The following MYO5A variants were observed in gnomAD, a reference collection of about 807,000 sequenced individuals.
MYO5A encodes myosin VA.
A neutral mutation model predicts 249.7 loss-of-function variants in MYO5A; 98 were observed. The ratio of observed to expected loss-of-function variants is 0.39; its 90% confidence interval spans 0.33 to 0.46. The LOEUF is 0.46. MYO5A is among the 20% of genes least tolerant of loss of function. The probability of loss-of-function intolerance (pLI) is 0.98; values close to 1 mark genes in which losing one functional copy is unlikely to be tolerated. For missense variants in MYO5A, 1,696 were observed against 2,308.8 expected (o/e 0.73, Z 5.44); for synonymous variants, 778 against 810.6 (o/e 0.96, Z 0.68).
intron 9 of MYO5A, 81 bp from the exon 10 acceptor site, chr15:52,397,547 C>G: frequency 6.6e-7 from 1 of 1,520,536 alleles, no homozygotes; most frequent in Admixed American, 1.7e-5. Context: ...AAAGAGTTAA[C>G]AAATAAAATT....
chr15:52,464,004 C>G (rs2076304899), intron 1 of MYO5A, among the ~76,000 whole-genome samples: 1 of 152,152 alleles, frequency 6.6e-6, no homozygotes, highest in Non-Finnish European at 1.5e-5. Flanking sequence ...TTAGACAGAT[C>G]CAGAAGCTCC....
intron 1 of MYO5A, among the ~76,000 whole-genome samples, chr15:52,504,305 C>G (rs2141594053): frequency 6.6e-6 from 1 of 152,106 alleles, no homozygotes; most frequent in Non-Finnish European, 1.5e-5. Context: ...GTTTCTAAGC[C>G]TGGGGAAGAT....
chr15:52,321,354 C>T lies in MYO5A; in HGVS notation c.4951+5G>A, dbSNP rs2140930027. ...CTGCAATGCCCAGTGGGGCCCTGGCCTTACCAATCATTGGCTGAAGGATGT... is the reference window on the plus strand; with the variant it reads ...CTGCAATGCCCAGTGGGGCCCTGGCTTTACCAATCATTGGCTGAAGGATGT... On this transcript the variant is annotated splice_donor_5th_base_variant and intron_variant, in intron 38 of 41. Transcript: ENST00000399233. 6.2e-7 allele frequency: 1 copy of T among 1,614,174 alleles called. No individual in the cohort carries two copies. The highest frequency in any genetic ancestry group is 1.3e-5 in the African/African-American group (1 of 75,056).
chr15:52,429,701 AAAAACAAAAC>A (rs1315013942), intron 2 of MYO5A, among the ~76,000 whole-genome samples: 1 of 19,556 alleles, frequency 5.1e-5, no homozygotes, highest in East Asian at 4.4e-4. Context: ...AAAAAAACAA[AAAAACAAAAC>A]AAAACAAAAC....
In MYO5A at chr15:52,375,381, A is replaced by G; in HGVS notation, c.2500T>C (p.Tyr834His). The G allele has an allele frequency of 6.2e-7, 1 of 1,614,120 alleles. No individual in the cohort carries two copies. The highest frequency in any genetic ancestry group is 8.5e-7 in the Non-Finnish European group (1 of 1,179,996). The change falls in exon 20 of 42, where the codon TAC becomes CAC. Residue 834 changes from tyrosine to histidine, a missense_variant. Around this residue, in one of 5 missense-constraint regions of MYO5A, gnomAD observed 412 missense variants for 453.3 expected, o/e 0.91. Transcript: ENST00000399233. ...ATAGTGGCAGCTCGTCTAATCTTGT[A>G]CCTCCTGCGGACCACATACATGCGC... ...YWRMYVVRRR[Y>H]KIRRAATIVL...
At chr15:52,496,546 G>T (rs145070184) in intron 1 of MYO5A, among the ~76,000 whole-genome samples, 1 of 152,154 alleles carries the variant, frequency 6.6e-6, no homozygotes, top group Non-Finnish European at 1.5e-5. Context: ...CCTCCGAAGA[G>T]TATTCATTAA....
chr15:52,434,338 C>T (rs1486817013), intron 1 of MYO5A, among the ~76,000 whole-genome samples: 1 of 152,078 alleles, frequency 6.6e-6, no homozygotes, highest in Non-Finnish European at 1.5e-5. Context: ...ATCCTGTGCT[C>T]TGCAAAGCCT....
chr15:52,516,631 T>C (rs1203646992), intron 1 of MYO5A, among the ~76,000 whole-genome samples: 2 of 152,252 alleles, frequency 1.3e-5, no homozygotes, highest in Non-Finnish European at 2.9e-5. Flanking sequence ...AAACACCTTC[T>C]GACTGCTATA....
chr15:52,422,878 G>A (rs1247500154), intron 4 of MYO5A, among the ~76,000 whole-genome samples: 2 of 151,988 alleles, frequency 1.3e-5, no homozygotes, highest in African/African-American at 4.8e-5. Flanking sequence ...CACCATGCCT[G>A]GCTAGTTTTT....
intron 18 of MYO5A, among the ~76,000 whole-genome samples, chr15:52,379,076 T>C (rs533736957): frequency 9.8e-5 from 15 of 152,348 alleles, no homozygotes; most frequent in African/African-American, 3.6e-4. Context: ...TCTTACTCCC[T>C]CTTATAATAG....
intron 1 of MYO5A, among the ~76,000 whole-genome samples, chr15:52,498,711 AT>A (rs946709885): frequency 1.3e-5 from 2 of 152,130 alleles, no homozygotes; most frequent in African/African-American, 4.8e-5. Flanking sequence ...AATTAAAAAT[AT>A]TTTCCTGTTC....
intron 1 of MYO5A, among the ~76,000 whole-genome samples, chr15:52,457,736 C>T (rs1231944519): frequency 6.6e-6 from 1 of 152,076 alleles, no homozygotes; most frequent in Admixed American, 6.5e-5. Context: ...AACTACCATA[C>T]AATCCAGTAA....
intron 15 of MYO5A, among the ~76,000 whole-genome samples, chr15:52,383,736 A>G (rs1193582067): frequency 6.6e-6 from 1 of 152,218 alleles, no homozygotes; most frequent in Non-Finnish European, 1.5e-5. Flanking sequence ...AGGAGCGCTC[A>G]GCCTCCATTC....
intron 1 of MYO5A, among the ~76,000 whole-genome samples, chr15:52,485,706 G>T (rs146477659): frequency 1.0e-3 from 153 of 152,114 alleles, no homozygotes; most frequent in African/African-American, 3.6e-3. Context: ...TGTTAAAAAA[G>T]ATAATAACAT....
chr15:52,313,932 A>T (rs957621214), intron 41 of MYO5A, 84 bp from the exon 42 acceptor site: 1 of 1,501,988 alleles, frequency 6.7e-7, no homozygotes, highest in Non-Finnish European at 9.2e-7. Context: ...TCTACCCTCA[A>T]ATTCTCAACT....
At chr15:52,327,639 C>T (rs781721155) in intron 36 of MYO5A, among the ~76,000 whole-genome samples, 2 of 152,194 alleles carry the variant, frequency 1.3e-5, no homozygotes, top group African/African-American at 4.8e-5. Flanking sequence ...CCTGGGATTG[C>T]ACTGGGGCTG....
intron 25 of MYO5A, 138 bp from the exon 26 acceptor site, chr15:52,354,152 A>T (rs1453547548): frequency 9.6e-7 from 1 of 1,036,618 alleles, no homozygotes; most frequent in South Asian, 1.6e-5. Context: ...ATATATTTTT[A>T]AAATGCTCAA....
In MYO5A at chr15:52,375,351, G is replaced by C. The variant is rs1337818670; in HGVS notation, c.2530C>G (p.Leu844Val). The stretch of plus-strand genomic sequence containing the variant: ...AAGAAGCCTCGCAAGTAAGACTGAA[G>C]AACGATAGTGGCAGCTCGTCTAATC... ...YKIRRAATIVLQSYLRGFLAR... is the reference protein window; with the variant it reads ...YKIRRAATIVVQSYLRGFLAR... The change falls in exon 20 of 42, where the codon CTT becomes GTT. Residue 844 changes from leucine to valine, a missense_variant. Leu to Val is a conservative substitution (Grantham distance 32, BLOSUM62 1). Transcript: ENST00000399233. The C allele has an allele frequency of 1.9e-6, 3 of 1,614,000 alleles. No homozygotes were observed. Among genetic ancestry groups the C allele is most frequent in the Admixed American group, 1.7e-5 (1 of 60,012 alleles).
At chr15:52,496,722 T>C (rs577853273) in intron 1 of MYO5A, among the ~76,000 whole-genome samples, 96 of 152,342 alleles carry the variant, frequency 6.3e-4, no homozygotes, top group African/African-American at 2.2e-3. Context: ...AGGGCTTCAT[T>C]GTACTATTGG....
Sources: gnomAD v4.1 joint callset for allele counts (sites outside exome capture counted in the v4.1 genomes callset) on GRCh38, gnomAD v4.1.1 for gene constraint, gnomAD v4.1.1 regional missense constraint, MANE v1.5 for transcripts, NCBI Gene and HGNC (gene_info 2026-07-23, HGNC 2026-07-21) for gene names.